Variants in NLGN1 observed in about 807,000 individuals in gnomAD.
NLGN1 encodes the protein neuroligin 1.
Under a neutral mutation model 65.5 loss-of-function variants are expected in NLGN1, and 12 were observed. The observed-to-expected ratio is 0.18, with a 90% CI of 0.12 to 0.30. The LOEUF is 0.30. Ranked by LOEUF, NLGN1 falls within the 10% of genes least tolerant of loss-of-function variation. The probability of loss-of-function intolerance (pLI) is 1.00; values close to 1 mark genes in which losing one functional copy is unlikely to be tolerated. For synonymous variants in NLGN1, 350 were observed against 359.5 expected (o/e 0.97, Z 0.30); for missense variants, 750 against 1,007.1 (o/e 0.74, Z 3.46).
chr3:173,540,738 C>G (rs1738723788), intron 2 of NLGN1, among the ~76,000 whole-genome samples: 1 of 152,150 alleles, frequency 6.6e-6, no homozygotes, highest in South Asian at 2.1e-4. Flanking sequence ...TTGTCAAACT[C>G]CTCCCTCCTC....
At chr3:173,438,839 G>C (rs192873822) in intron 2 of NLGN1, among the ~76,000 whole-genome samples, 1 of 152,138 alleles carries the variant, frequency 6.6e-6, no homozygotes. Context: ...AGAGGGAACA[G>C]TGTTATATGT....
chr3:173,870,495 T>C (rs183045761), intron 4 of NLGN1, among the ~76,000 whole-genome samples: 79 of 152,264 alleles, frequency 5.2e-4, no homozygotes, highest in Non-Finnish European at 1.0e-3. Context: ...TTTATCTCAG[T>C]TTTCCGACAG....
intron 2 of NLGN1, among the ~76,000 whole-genome samples, chr3:173,471,392 C>T (rs972771722): frequency 1.3e-5 from 2 of 152,046 alleles, no homozygotes; most frequent in Non-Finnish European, 2.9e-5. Context: ...TGGTGGTTTG[C>T]AGGCAACCTT....
intron 4 of NLGN1, among the ~76,000 whole-genome samples, chr3:174,214,667 A>C (rs1356015479): frequency 1.6e-4 from 24 of 152,180 alleles, no homozygotes; most frequent in Admixed American, 1.6e-3. Context: ...TGCAGTTAAA[A>C]TTCTCCATAT....
At chr3:173,625,522 G>C (rs1161785451) in intron 3 of NLGN1, among the ~76,000 whole-genome samples, 1 of 152,100 alleles carries the variant, frequency 6.6e-6, no homozygotes, top group Non-Finnish European at 1.5e-5. Context: ...TGGAAAAGTG[G>C]AGAAAGTCTC....
intron 4 of NLGN1, among the ~76,000 whole-genome samples, chr3:174,160,412 C>T (rs545393041): frequency 6.6e-6 from 1 of 151,466 alleles, no homozygotes; most frequent in Non-Finnish European, 1.5e-5. Flanking sequence ...ATAACTTAAA[C>T]TTTTTTTTCA....
At chr3:174,274,903 T>G (rs1750242211) in intron 4 of NLGN1, among the ~76,000 whole-genome samples, 1 of 151,840 alleles carries the variant, frequency 6.6e-6, no homozygotes, top group African/African-American at 2.4e-5. Context: ...ATACCTAACA[T>G]TCCAACCACA....
chr3:174,281,258 C>G (rs778131601), exon 7 of NLGN1: 2 of 1,612,166 alleles, frequency 1.2e-6, no homozygotes, highest in East Asian at 4.5e-5. Flanking sequence ...ATACTCTGCC[C>G]CATCCCCATC....
At chr3:174,000,593 A>G (rs970490847) in intron 4 of NLGN1, among the ~76,000 whole-genome samples, 1 of 152,174 alleles carries the variant, frequency 6.6e-6, no homozygotes, top group African/African-American at 2.4e-5. Context: ...GTTAGTTAAT[A>G]AAATTTTAGT....
At chr3:174,122,102 G>A (rs1416797943) in intron 4 of NLGN1, among the ~76,000 whole-genome samples, 1 of 152,014 alleles carries the variant, frequency 6.6e-6, no homozygotes, top group Non-Finnish European at 1.5e-5. Context: ...CAGTCATACT[G>A]TCTTAACATA....
chr3:173,948,670 C>G (rs1475941267), intron 4 of NLGN1, among the ~76,000 whole-genome samples: 2 of 152,166 alleles, frequency 1.3e-5, no homozygotes. Flanking sequence ...GGAAGATAGA[C>G]ACAAGATGGG....
chr3:173,539,877 TA>T (rs1738509961), intron 2 of NLGN1, among the ~76,000 whole-genome samples: 1 of 57,806 alleles, frequency 1.7e-5, no homozygotes, highest in Non-Finnish European at 5.0e-5. Context: ...ATATATATCT[TA>T]TATATATGTT....
intron 4 of NLGN1, among the ~76,000 whole-genome samples, chr3:173,831,138 A>T (rs556592957): frequency 1.1e-4 from 17 of 152,110 alleles, no homozygotes; most frequent in Non-Finnish European, 2.5e-4. Context: ...TTTATGGCTG[A>T]ATGGTACTCC....
chr3:173,436,859 C>T (rs1343635187), intron 2 of NLGN1, among the ~76,000 whole-genome samples: 1 of 152,178 alleles, frequency 6.6e-6, no homozygotes, highest in African/African-American at 2.4e-5. Context: ...GGTTGGGTGG[C>T]CTTTTTCTAT....
intron 4 of NLGN1, among the ~76,000 whole-genome samples, chr3:173,809,846 C>T (rs1369828019): frequency 6.6e-6 from 1 of 152,190 alleles, no homozygotes; most frequent in Admixed American, 6.5e-5. Context: ...CTCAGTCAAT[C>T]ACTTGGTTTA....
chr3:174,055,126 A>G (rs950944217), intron 4 of NLGN1, among the ~76,000 whole-genome samples: 2 of 149,566 alleles, frequency 1.3e-5, no homozygotes, highest in African/African-American at 4.9e-5. Flanking sequence ...AATTTTCTGA[A>G]TATCAACTCC....
intron 4 of NLGN1, among the ~76,000 whole-genome samples, chr3:173,905,426 C>G (rs1412702335): frequency 6.6e-6 from 1 of 152,196 alleles, no homozygotes; most frequent in Non-Finnish European, 1.5e-5. Context: ...CATGCTGGTT[C>G]ACTGAGAAAG....
Position 173,897,384 on chromosome 3 carries a change from A to G in NLGN1, c.646+89552A>G, listed in dbSNP as rs746720372. ...ATCTTCCCTTGAAGAGGACATTGAC[A>G]TATTGCTATTGCCTTGTTTAGTTCC... is the stretch of plus-strand genomic sequence containing the variant. On this transcript the variant is annotated intron_variant, in intron 4 of 6. Transcript: ENST00000457714. Among the ~76,000 whole-genome samples, 50 of 152,222 alleles carry G rather than the reference A, an allele frequency of 3.3e-4. 1 individual carries two copies. The highest frequency in any genetic ancestry group is 3.8e-4 in the Non-Finnish European group (26 of 68,046).
At chr3:173,494,316 G>C (rs868315086) in intron 2 of NLGN1, among the ~76,000 whole-genome samples, 2 of 150,940 alleles carry the variant, frequency 1.3e-5, no homozygotes, top group African/African-American at 4.9e-5. Context: ...CTGCTTTTGG[G>C]CATTTGTGTA....
Sources: allele counts gnomAD v4.1 joint callset (sites outside exome capture counted in the v4.1 genomes callset), GRCh38; gene constraint gnomAD v4.1.1; transcripts MANE v1.5; gene names NCBI Gene and HGNC (gene_info 2026-07-23, HGNC 2026-07-21).